Variants in KLHL13 observed in about 807,000 individuals in gnomAD.
KLHL13 encodes kelch like family member 13.
In KLHL13, 10 loss-of-function variants were observed where a neutral mutation model predicts 37.1. The ratio of observed to expected loss-of-function variants is 0.27; its 90% confidence interval spans 0.17 to 0.46. The LOEUF (loss-of-function observed/expected upper bound fraction) is 0.46. KLHL13 is among the 20% of genes least tolerant of loss of function. The pLI, the probability that KLHL13 is intolerant of heterozygous loss-of-function variation, is 1.00. For synonymous variants in KLHL13, 163 were observed against 181.2 expected, an observed-to-expected ratio of 0.90 and a Z score of 0.81; for missense variants, 360 against 509.3, an observed-to-expected ratio of 0.71 and a Z score of 2.82.
chrX:117,969,160 A>G (rs2053482636), intron 1 of KLHL13, among the ~76,000 whole-genome samples: 1 of 111,620 alleles, frequency 9.0e-6, no homozygotes, highest in Non-Finnish European at 1.9e-5. Context: ...CTGTCTTGCT[A>G]GAATTCACTG....
At chrX:118,091,975 C>T (rs2055141050) in intron 1 of KLHL13, among the ~76,000 whole-genome samples, 1 of 111,959 alleles carries the variant, frequency 8.9e-6, no homozygotes, top group African/African-American at 3.2e-5. Context: ...CACCAAACAT[C>T]ATGTATTCTC....
chrX:117,907,379 C>T (rs998093594), intron 5 of KLHL13, among the ~76,000 whole-genome samples: 3 of 111,499 alleles, frequency 2.7e-5, no homozygotes, highest in Non-Finnish European at 3.8e-5. Context: ...GCTAAGTAGC[C>T]GCATATTAAC....
At chrX:117,993,504 A>G (rs936641403) in intron 1 of KLHL13, among the ~76,000 whole-genome samples, 4 of 111,595 alleles carry the variant, frequency 3.6e-5, no homozygotes, top group Admixed American at 2.9e-4. Flanking sequence ...ACAAATACAT[A>G]GAAAAATCAA....
At chrX:118,071,506 A>T (rs2054864409) in intron 1 of KLHL13, among the ~76,000 whole-genome samples, 1 of 111,685 alleles carries the variant, frequency 9.0e-6, no homozygotes, top group South Asian at 3.8e-4. Flanking sequence ...TCTGATGGCC[A>T]GTGATGGTGA....
upstream of KLHL13, chrX:117,973,847 C>T (rs2053564561): frequency 6.5e-6 from 3 of 460,568 alleles, no homozygotes; most frequent in African/African-American, 2.9e-5. Flanking sequence ...CTCCCTCCCC[C>T]GCAGACAGCT....
chrX:118,055,538 A>G (rs1047911639), intron 1 of KLHL13, among the ~76,000 whole-genome samples: 1 of 112,084 alleles, frequency 8.9e-6, no homozygotes, highest in African/African-American at 3.2e-5. Flanking sequence ...AATCTTCTAT[A>G]ACCACAGGGC....
intron 1 of KLHL13, among the ~76,000 whole-genome samples, chrX:118,100,559 T>C (rs977035610): frequency 4.5e-5 from 5 of 111,409 alleles, no homozygotes; most frequent in Admixed American, 9.6e-5. Flanking sequence ...CATTAGACAA[T>C]ATGCCAGTTT....
rs747337922 is a variant in KLHL13 at position 118,051,141 on chromosome X, T to G, written c.-56+65367A>C. The stretch of plus-strand genomic sequence containing the variant: ...TTCTTATATTCCACCAATATCATAT[T>G]CTATAAGTACTGGAAAAAATACCAC... On this transcript the variant is annotated intron_variant, in intron 1 of 6. Coordinates refer to the KLHL13 transcript ENST00000371882. Among the ~76,000 whole-genome samples, 3 of 110,485 alleles carry G rather than the reference T, an allele frequency of 2.7e-5. No individual in the cohort carries two copies. In the East Asian group the frequency reaches 8.4e-4, roughly 31 times the overall value.
chrX:117,990,242 G>A lies in KLHL13; in HGVS notation c.-55-44667C>T, dbSNP rs140388702. Among the ~76,000 whole-genome samples the A allele has an allele frequency of 9.2e-3, 1,025 of 111,583 alleles. 16 individuals are homozygous for A. The highest frequency in any genetic ancestry group is 0.031 in the African/African-American group (950 of 30,722). On this transcript the variant is annotated intron_variant, in intron 1 of 6. Coordinates refer to the KLHL13 transcript ENST00000371882. The stretch of plus-strand genomic sequence containing the variant: ...TGTGCCTGGCAGGGGGCCCAGCATA[G>A]TAGGTATATAATAACTTTATGATAG...
At chrX:117,946,342 T>C (rs962529112) in intron 1 of KLHL13, 4 of 112,099 alleles carry the variant, frequency 3.6e-5, no homozygotes, top group Non-Finnish European at 7.5e-5. Flanking sequence ...TGTATTTGCA[T>C]GTATTGCAGC....
intron 1 of KLHL13, among the ~76,000 whole-genome samples, chrX:117,958,982 G>A (rs1023297033): frequency 4.5e-5 from 5 of 111,459 alleles, no homozygotes; most frequent in East Asian, 2.8e-4. Context: ...TGCAGGGCTG[G>A]ATCAGCAATC....
chrX:117,973,819 A>ACCCCCCCCCCCCCCTCCCCCCCCC (rs1202810193), upstream of KLHL13: 1 of 505,967 alleles, frequency 2.0e-6, no homozygotes, highest in African/African-American at 5.8e-5. Flanking sequence ...CTTGTTCACC[A>ACCCCCCCCCCCCCCTCCCCCCCCC]CCCCCCCCAC....
chrX:118,030,102 A>G (rs1434597432), intron 1 of KLHL13, among the ~76,000 whole-genome samples: 2 of 111,857 alleles, frequency 1.8e-5, no homozygotes, highest in Admixed American at 9.5e-5. Flanking sequence ...AGGAAAAGAA[A>G]TAGAAGAGGA....
At chrX:118,024,554 T>C (rs6646033) in intron 1 of KLHL13, among the ~76,000 whole-genome samples, 17,393 of 110,932 alleles carry the variant, frequency 0.16, 1,837 homozygotes, top group African/African-American at 0.38. Flanking sequence ...AATAAAATAA[T>C]AACCCATTTT....
chrX:118,018,905 T>C (rs182670575), intron 1 of KLHL13, among the ~76,000 whole-genome samples: 38 of 111,693 alleles, frequency 3.4e-4, no homozygotes, highest in African/African-American at 9.4e-4. Context: ...TTTATAGATA[T>C]ACAAGCCTAA....
At chrX:118,028,160 T>G (rs746829467) in intron 1 of KLHL13, among the ~76,000 whole-genome samples, 58 of 111,854 alleles carry the variant, frequency 5.2e-4, no homozygotes, top group African/African-American at 1.0e-3. Context: ...AATAAATATC[T>G]CCACTGATTG....
chrX:118,054,531 G>A (rs941234429), intron 1 of KLHL13, among the ~76,000 whole-genome samples: 5 of 111,554 alleles, frequency 4.5e-5, no homozygotes, highest in African/African-American at 6.5e-5. Context: ...TCTAAAGTCC[G>A]TGCTCAAACA....
intron 1 of KLHL13, among the ~76,000 whole-genome samples, chrX:117,957,364 G>A (rs780422061): frequency 4.4e-4 from 49 of 111,931 alleles, no homozygotes; most frequent in Non-Finnish European, 5.8e-4. Context: ...TTGAAGTCAA[G>A]GCTTCCTGGC....
intron 1 of KLHL13, among the ~76,000 whole-genome samples, chrX:118,017,867 C>T (rs148812440): frequency 0.084 from 9,320 of 111,281 alleles, 349 homozygotes; most frequent in Middle Eastern, 0.14. Flanking sequence ...TACTGTGTTT[C>T]ATCTATGAAA....
Sources: gnomAD v4.1 joint callset for allele counts (sites outside exome capture counted in the v4.1 genomes callset) on GRCh38, gnomAD v4.1.1 for gene constraint, MANE v1.5 for transcripts, NCBI Gene and HGNC (gene_info 2026-07-23, HGNC 2026-07-21) for gene names.